The following OTUD7A variants were observed in gnomAD, a reference collection of about 807,000 sequenced individuals.
OTUD7A encodes the protein OTU domain-containing protein 7A.
OTUD7A carries 12 observed loss-of-function variants against 65.7 expected under a neutral mutation model. The ratio of observed to expected loss-of-function variants is 0.18; its 90% CI spans 0.12 to 0.30. The LOEUF is 0.30. Ranked by LOEUF, OTUD7A falls within the 10% of genes least tolerant of loss-of-function variation. The pLI, the probability that OTUD7A is intolerant of heterozygous loss-of-function variation, is 1.00. For missense variants in OTUD7A, 1,148 were observed against 1,304.8 expected, an observed-to-expected ratio of 0.88 and a Z score of 1.85; for synonymous variants, 641 against 586.3, an observed-to-expected ratio of 1.09 and a Z score of -1.35.
intron 1 of OTUD7A, chr15:31,768,107 T>C: frequency 1.3e-6 from 2 of 1,597,916 alleles, no homozygotes; most frequent in South Asian, 1.1e-5. Context: ...TTGTCTGTGT[T>C]TTCTTAGAGG....
chr15:31,852,121 T>C (rs1236610427), intron 1 of OTUD7A, among the ~76,000 whole-genome samples: 1 of 152,246 alleles, frequency 6.6e-6, no homozygotes, highest in African/African-American at 2.4e-5. Flanking sequence ...CCTCCCAAAG[T>C]GCTGGGATTA....
intron 1 of OTUD7A, among the ~76,000 whole-genome samples, chr15:31,853,227 A>G (rs369083426): frequency 1.3e-5 from 2 of 152,216 alleles, no homozygotes; most frequent in African/African-American, 4.8e-5. Context: ...TTCTCAAAGC[A>G]CAAGAAGTCC....
intron 8 of OTUD7A, among the ~76,000 whole-genome samples, chr15:31,520,752 G>T (rs2041926153): frequency 6.6e-6 from 1 of 152,102 alleles, no homozygotes. Flanking sequence ...ACTAAAAATA[G>T]AACTACCACT....
At chr15:31,808,742 A>G (rs1365334262) in intron 1 of OTUD7A, among the ~76,000 whole-genome samples, 1 of 152,196 alleles carries the variant, frequency 6.6e-6, no homozygotes, top group African/African-American at 2.4e-5. Context: ...TGGACAAAAG[A>G]ATGAAACAAG....
At chr15:31,549,603 A>C (rs912805507) in intron 5 of OTUD7A, among the ~76,000 whole-genome samples, 4 of 152,218 alleles carry the variant, frequency 2.6e-5, no homozygotes, top group African/African-American at 9.7e-5. Flanking sequence ...GAGGACCAAA[A>C]GAGGGTTTAG....
At chr15:31,745,807 C>G (rs1376726389) in intron 1 of OTUD7A, among the ~76,000 whole-genome samples, 1 of 152,048 alleles carries the variant, frequency 6.6e-6, no homozygotes, top group East Asian at 1.9e-4. Context: ...TAATTCTAAC[C>G]TCTATGATAA....
intron 10 of OTUD7A, among the ~76,000 whole-genome samples, chr15:31,499,360 C>T (rs533960703): frequency 5.3e-5 from 8 of 152,098 alleles, no homozygotes; most frequent in Non-Finnish European, 7.4e-5. Flanking sequence ...CAGTGGGGGC[C>T]GGTGGCATCC....
chr15:31,860,782 T>G (rs1897719760), intron 1 of OTUD7A, among the ~76,000 whole-genome samples: 1 of 147,380 alleles, frequency 6.8e-6, no homozygotes, highest in Admixed American at 6.8e-5. Flanking sequence ...CTCGGCTCAT[T>G]GCAAGCTACG....
At chr15:31,643,304 T>C (rs1891571419) in intron 3 of OTUD7A, among the ~76,000 whole-genome samples, 1 of 152,174 alleles carries the variant, frequency 6.6e-6, no homozygotes, top group Non-Finnish European at 1.5e-5. Context: ...GCCTTTAATA[T>C]TTCTTTACTT....
chr15:31,540,119 T>C (rs750522423), intron 5 of OTUD7A, among the ~76,000 whole-genome samples: 1 of 152,226 alleles, frequency 6.6e-6, no homozygotes, highest in Non-Finnish European at 1.5e-5. Flanking sequence ...TTTAGTTTGG[T>C]TATAATTTTC....
chr15:31,608,734 A>T (rs1890309457), intron 3 of OTUD7A, among the ~76,000 whole-genome samples: 1 of 152,262 alleles, frequency 6.6e-6, no homozygotes, highest in Admixed American at 6.5e-5. Context: ...ATTTTAAAAG[A>T]TAATGGTGGA....
intron 3 of OTUD7A, among the ~76,000 whole-genome samples, chr15:31,580,828 G>A (rs1199554758): frequency 4.6e-5 from 7 of 152,132 alleles, no homozygotes; most frequent in African/African-American, 1.2e-4. Flanking sequence ...AATTCAAGGT[G>A]AGATTTGGGT....
At chr15:31,535,481 C>G (rs1364268206) in intron 5 of OTUD7A, among the ~76,000 whole-genome samples, 1 of 152,120 alleles carries the variant, frequency 6.6e-6, no homozygotes, top group Admixed American at 6.5e-5. Context: ...GTGAAATGGA[C>G]TATTACCTAC....
intron 1 of OTUD7A, among the ~76,000 whole-genome samples, chr15:31,780,942 C>T (rs950807736): frequency 6.6e-6 from 1 of 152,204 alleles, no homozygotes; most frequent in African/African-American, 2.4e-5. Context: ...TCTTGATGTA[C>T]TGAGCAGTTA....
chr15:31,551,133 G>A (rs1022365370), intron 5 of OTUD7A, among the ~76,000 whole-genome samples: 1 of 152,172 alleles, frequency 6.6e-6, no homozygotes, highest in Non-Finnish European at 1.5e-5. Flanking sequence ...GCACTCCTAG[G>A]GCTGTACATC....
chr15:31,626,822 T>G lies in OTUD7A; in HGVS notation c.151+28274A>C, dbSNP rs890228544. 8.3e-4 allele frequency among the ~76,000 whole-genome samples: 126 copies of G among 152,212 alleles called. 1 individual carries two copies. Among genetic ancestry groups the G allele is most frequent in the African/African-American group, 2.9e-3 (121 of 41,522 alleles). On this transcript the variant is annotated intron_variant, in intron 3 of 12. Transcript: ENST00000307050. ...AACTCCTCGCCTCAAGTGATTCTCC[T>G]GCCTTGGCCTCCCAAAGTGCTGGAA...
intron 1 of OTUD7A, among the ~76,000 whole-genome samples, chr15:31,853,515 G>C (rs1653293508): frequency 6.6e-6 from 1 of 152,220 alleles, no homozygotes; most frequent in African/African-American, 2.4e-5. Context: ...CCTGAACCTG[G>C]GGAGGCACAT....
At chr15:31,732,417 T>C (rs546207087) in intron 1 of OTUD7A, among the ~76,000 whole-genome samples, 2 of 152,330 alleles carry the variant, frequency 1.3e-5, no homozygotes, top group African/African-American at 4.8e-5. Flanking sequence ...TAGTTGTGAT[T>C]TGATTGTGCC....
intron 1 of OTUD7A, among the ~76,000 whole-genome samples, chr15:31,835,416 T>G (rs889969361): frequency 6.6e-6 from 1 of 152,248 alleles, no homozygotes; most frequent in Non-Finnish European, 1.5e-5. Flanking sequence ...CAAACTTGTT[T>G]GACCTTCCAA....
Sources: allele counts gnomAD v4.1 joint callset (sites outside exome capture counted in the v4.1 genomes callset), GRCh38; gene constraint gnomAD v4.1.1; transcripts MANE v1.5; gene names NCBI Gene and HGNC (gene_info 2026-07-23, HGNC 2026-07-21).